Variants in PLPP4 observed in about 807,000 individuals in gnomAD.
PLPP4 encodes the protein phospholipid phosphatase 4.
In PLPP4, 20 loss-of-function variants were observed where a neutral mutation model predicts 32.2. The observed-to-expected ratio is 0.62, with a 90% CI of 0.44 to 0.90. The LOEUF (loss-of-function observed/expected upper bound fraction) is 0.90, where lower values mean the gene tolerates loss of function less well. Ranked by LOEUF, PLPP4 falls within the 40% of genes least tolerant of loss-of-function variation. PLPP4 has a pLI of 0.00. For synonymous variants in PLPP4, 127 were observed against 133.0 expected (o/e 0.95, Z 0.31); for missense variants, 257 against 353.1 (o/e 0.73, Z 2.18).
At chr10:120,504,133 C>A (rs1458828218) in intron 2 of PLPP4, among the ~76,000 whole-genome samples, 6 of 152,196 alleles carry the variant, frequency 3.9e-5, no homozygotes, top group Non-Finnish European at 8.8e-5. Context: ...TGCTCATTCC[C>A]TGGTACCACA....
At chr10:120,524,825 C>A (rs1287942949) in intron 5 of PLPP4, among the ~76,000 whole-genome samples, 1 of 152,172 alleles carries the variant, frequency 6.6e-6, no homozygotes, top group African/African-American at 2.4e-5. Flanking sequence ...AGTGTACCTT[C>A]CCATAGTGCT....
At position 120,457,276 on chromosome 10, in the gene PLPP4, T is replaced by A; in HGVS notation, c.-30T>A. 6.8e-7 allele frequency: 1 copy of A among 1,471,396 alleles called. No homozygotes were observed. The highest frequency in any genetic ancestry group is 1.3e-5 in the South Asian group (1 of 74,778). 91.1% of individuals were successfully genotyped at this position (1,471,396 alleles called of 1,614,324 possible). ...TGCGGGAGCCGCGGAGAGCACCAGC[T>A]GACGCCGCGGGAGCTGCTCCGGCCG... On this transcript the variant is annotated 5_prime_UTR_variant, in exon 1 of 7. Transcript: ENST00000398250.
At chr10:120,490,733 TG>T (rs1202105324) in intron 1 of PLPP4, among the ~76,000 whole-genome samples, 3 of 152,186 alleles carry the variant, frequency 2.0e-5, no homozygotes, top group Non-Finnish European at 4.4e-5. Context: ...TGCCAAGGAC[TG>T]GGGTGAGATC....
chr10:120,519,387 G>C (rs1846061189), intron 4 of PLPP4, among the ~76,000 whole-genome samples: 1 of 151,804 alleles, frequency 6.6e-6, no homozygotes, highest in African/African-American at 2.4e-5. Context: ...GGTCTCTACA[G>C]ACATGAGCAG....
intron 1 of PLPP4, among the ~76,000 whole-genome samples, chr10:120,493,065 C>A (rs1844792604): frequency 6.6e-6 from 1 of 152,180 alleles, no homozygotes; most frequent in Non-Finnish European, 1.5e-5. Flanking sequence ...TACTTCCTTA[C>A]TGTCACCTAA....
intron 6 of PLPP4, among the ~76,000 whole-genome samples, 174 bp downstream of exon 6, chr10:120,575,475 G>T (rs1849179459): frequency 6.6e-6 from 1 of 152,320 alleles, no homozygotes; most frequent in Non-Finnish European, 1.5e-5. Flanking sequence ...TTCAAGTGAG[G>T]TCTGGCCTTC....
intron 5 of PLPP4, among the ~76,000 whole-genome samples, chr10:120,567,251 G>T (rs1848734074): frequency 6.6e-6 from 1 of 152,142 alleles, no homozygotes; most frequent in Non-Finnish European, 1.5e-5. Context: ...TTGAAAAGGG[G>T]AACTAAACTT....
At chr10:120,571,562 G>A (rs766456015) in intron 5 of PLPP4, among the ~76,000 whole-genome samples, 2 of 152,112 alleles carry the variant, frequency 1.3e-5, no homozygotes, top group African/African-American at 2.4e-5. Flanking sequence ...AGCCTTCCTG[G>A]TTTTTTGTTG....
At chr10:120,563,287 A>G (rs1848519291) in intron 5 of PLPP4, among the ~76,000 whole-genome samples, 1 of 152,210 alleles carries the variant, frequency 6.6e-6, no homozygotes, top group South Asian at 2.1e-4. Context: ...GTAAAGATAC[A>G]TTTCAGTGAA....
chr10:120,463,658 G>A lies in PLPP4; in HGVS notation c.56+6297G>A, dbSNP rs371157329. On this transcript the variant is annotated intron_variant, in intron 1 of 6. Transcript: ENST00000398250. ...AGTGGTTACAACTGTGGCCTTTGGC[G>A]TCAGGTTACCAGGGCTTAAATCCTA... 9.2e-5 allele frequency among the ~76,000 whole-genome samples: 14 copies of A among 152,256 alleles called. No individual in the cohort carries two copies. In the East Asian group the frequency reaches 2.1e-3, roughly 23 times the overall value.
chr10:120,580,115 CAAA>C (rs10609637), intron 6 of PLPP4, among the ~76,000 whole-genome samples: 70 of 91,568 alleles, frequency 7.6e-4, no homozygotes, highest in South Asian at 6.8e-3. Context: ...GCGAGACTCT[CAAA>C]AAAAAAAAAA....
chr10:120,576,091 T>A (rs1178208857), intron 6 of PLPP4, among the ~76,000 whole-genome samples: 1 of 152,178 alleles, frequency 6.6e-6, no homozygotes, highest in Admixed American at 6.5e-5. Context: ...AATTGGACTC[T>A]CTAGGGGTGC....
rs1369393596 is a variant in PLPP4 at position 120,589,373 on chromosome 10, G to C, written c.687G>C (p.Leu229=). The change falls in exon 7 of 7, where the codon CTG becomes CTC. Residue 229 remains leucine (L), a synonymous_variant. Transcript: ENST00000398250. ...YICYRQHYPP[L]ANTACHKPYV... ...GCTACAGACAGCACTATCCTCCTCT[G>C]GCCAACACAGCTTGCCATAAACCCT... 6.2e-7 allele frequency: 1 copy of C among 1,614,080 alleles called. No homozygotes were observed. The highest frequency in any genetic ancestry group is 1.1e-5 in the South Asian group (1 of 91,074).
Position 120,475,441 on chromosome 10 carries a change from G to T in PLPP4, c.56+18080G>T, listed in dbSNP as rs139029779. Among the ~76,000 whole-genome samples the T allele has an allele frequency of 2.9e-4, 44 of 152,264 alleles. 1 individual carries two copies. In the East Asian group the frequency reaches 8.5e-3, roughly 29 times the overall value. ...GGCCTTGTCCTTTTCCCATTCATTG[G>T]GGGTTATATGAATGCAGCTATGTTT... On this transcript the variant is annotated intron_variant, in intron 1 of 6. Coordinates refer to ENST00000398250, the MANE Select transcript of PLPP4 (RefSeq NM_001030059.3).
rs557117383 is a variant in PLPP4, at chr10:120,458,464, C to T, written c.56+1103C>T. Among the ~76,000 whole-genome samples the T allele has an allele frequency of 7.2e-5, 11 of 152,292 alleles. No individual in the cohort carries two copies. The South Asian group carries it at 1.0e-3, about 14-fold the overall frequency. On this transcript the variant is annotated intron_variant, in intron 1 of 6. Transcript: ENST00000398250. ...ATTTCTGCCTCAATCTGGAGTCATC[C>T]ATGGCAGGTGTGCTGTGTCAAAGAT...
chr10:120,567,379 T>C (rs1414318291), intron 5 of PLPP4, among the ~76,000 whole-genome samples: 1 of 152,220 alleles, frequency 6.6e-6, no homozygotes, highest in Non-Finnish European at 1.5e-5. Context: ...TGAATTTCTG[T>C]TTACAAAGTC....
At chr10:120,464,021 T>C (rs967810171) in intron 1 of PLPP4, among the ~76,000 whole-genome samples, 2 of 152,128 alleles carry the variant, frequency 1.3e-5, no homozygotes, top group African/African-American at 4.8e-5. Flanking sequence ...CCTATGCTGG[T>C]CTTGAACTGC....
At chr10:120,500,814 T>G (rs1845211394) in intron 1 of PLPP4, among the ~76,000 whole-genome samples, 2 of 152,190 alleles carry the variant, frequency 1.3e-5, no homozygotes, top group Non-Finnish European at 2.9e-5. Context: ...CGAATCTCTT[T>G]CTTACAAACA....
At chr10:120,497,223 A>AG (rs1376026888) in intron 1 of PLPP4, among the ~76,000 whole-genome samples, 2 of 152,066 alleles carry the variant, frequency 1.3e-5, no homozygotes, top group Non-Finnish European at 2.9e-5. Context: ...CCTAAAGGGG[A>AG]GGGGTGTGTG....
Sources: allele counts gnomAD v4.1 joint callset (sites outside exome capture counted in the v4.1 genomes callset), GRCh38; gene constraint gnomAD v4.1.1; transcripts MANE v1.5; gene names NCBI Gene and HGNC (gene_info 2026-07-23, HGNC 2026-07-21).